Variants in TBC1D22A observed in about 807,000 individuals in gnomAD.
TBC1D22A encodes the protein TBC1 domain family member 22A, also known as putative GTPase activator.
TBC1D22A carries 38 observed loss-of-function variants against 60.2 expected under a neutral mutation model. That is an observed-to-expected ratio of 0.63 (90% CI 0.49 to 0.83). The LOEUF (loss-of-function observed/expected upper bound fraction) is 0.83. TBC1D22A is among the 40% of genes least tolerant of loss of function. The pLI is 0.00. For synonymous variants in TBC1D22A, 302 were observed against 281.7 expected, an observed-to-expected ratio of 1.07 and a Z score of -0.72; for missense variants, 628 against 701.0, an observed-to-expected ratio of 0.90 and a Z score of 1.18.
chr22:47,013,580 G>C (rs1051951054), intron 10 of TBC1D22A, among the ~76,000 whole-genome samples: 1 of 152,218 alleles, frequency 6.6e-6, no homozygotes, highest in Admixed American at 6.5e-5. Context: ...TAAGGAACCA[G>C]TGTCCCTCTT....
At chr22:46,769,553 C>T (rs2083416822) in intron 1 of TBC1D22A, among the ~76,000 whole-genome samples, 1 of 152,138 alleles carries the variant, frequency 6.6e-6, no homozygotes, top group Non-Finnish European at 1.5e-5. Flanking sequence ...CCGCTTCCGC[C>T]GAGACCTGGC....
rs781194119 is a variant in TBC1D22A, at chr22:46,895,154, A to G, written c.900+308A>G. On this transcript the variant is annotated intron_variant, in intron 7 of 12. Transcript: ENST00000337137. ...CCCCCAGTGCTGCCCAGCTACAAAC[A>G]TGGCCTTGACCTCAGGCCTGACCCA... 4.6e-5 allele frequency among the ~76,000 whole-genome samples: 7 copies of G among 152,208 alleles called. 1 individual carries two copies. The highest frequency in any genetic ancestry group is 1.9e-4 in the East Asian group (1 of 5,182).
intron 8 of TBC1D22A, among the ~76,000 whole-genome samples, chr22:46,973,793 G>C (rs2074176293): frequency 6.6e-6 from 1 of 152,140 alleles, no homozygotes. Context: ...TTCTATCTTT[G>C]ACGCACATCT....
At chr22:46,926,032 AAT>A (rs2071029358) in intron 8 of TBC1D22A, among the ~76,000 whole-genome samples, 1 of 152,234 alleles carries the variant, frequency 6.6e-6, no homozygotes, top group Non-Finnish European at 1.5e-5. Flanking sequence ...GAAAATGACA[AAT>A]ATGTAGACAT....
chr22:46,842,693 A>G (rs759638362), intron 4 of TBC1D22A, among the ~76,000 whole-genome samples: 2 of 152,280 alleles, frequency 1.3e-5, no homozygotes, highest in African/African-American at 2.4e-5. Flanking sequence ...ACTGTAGAAC[A>G]TCAGCCTTAC....
chr22:46,953,389 C>A (rs2073020957), intron 8 of TBC1D22A, among the ~76,000 whole-genome samples: 1 of 152,072 alleles, frequency 6.6e-6, no homozygotes, highest in Admixed American at 6.5e-5. Context: ...GTATTAAAAC[C>A]AAGATCTGTA....
chr22:46,944,155 C>T (rs1165189843), intron 8 of TBC1D22A, among the ~76,000 whole-genome samples: 2 of 152,186 alleles, frequency 1.3e-5, no homozygotes, highest in African/African-American at 4.8e-5. Context: ...ATCCCATCAG[C>T]AAAGGAGGAG....
chr22:47,031,284 A>G (rs1349118346), intron 10 of TBC1D22A, among the ~76,000 whole-genome samples: 1 of 152,150 alleles, frequency 6.6e-6, no homozygotes, highest in Non-Finnish European at 1.5e-5. Context: ...TTGGAGCCCG[A>G]AGGCTGGATT....
intron 10 of TBC1D22A, among the ~76,000 whole-genome samples, chr22:47,011,895 A>G (rs901253384): frequency 1.3e-5 from 2 of 151,916 alleles, no homozygotes; most frequent in Non-Finnish European, 2.9e-5. Context: ...GACAGAATAC[A>G]ATGTTACGTA....
At chr22:47,172,647 A>G (rs1188764826) in intron 12 of TBC1D22A, among the ~76,000 whole-genome samples, 1 of 152,194 alleles carries the variant, frequency 6.6e-6, no homozygotes, top group Non-Finnish European at 1.5e-5. Flanking sequence ...TGTAACTGGA[A>G]TTAATTTTTA....
At chr22:46,989,799 T>A (rs1197819352) in intron 9 of TBC1D22A, among the ~76,000 whole-genome samples, 6 of 138,310 alleles carry the variant, frequency 4.3e-5, no homozygotes, top group East Asian at 2.0e-4. Flanking sequence ...TAAATAAATA[T>A]ATATATATTA....
intron 9 of TBC1D22A, among the ~76,000 whole-genome samples, chr22:46,985,723 T>G (rs903061982): frequency 6.6e-6 from 1 of 152,224 alleles, no homozygotes; most frequent in African/African-American, 2.4e-5. Context: ...TGAACACTCA[T>G]GTCCACATCT....
chr22:46,904,108 T>A (rs1394708213), intron 7 of TBC1D22A, among the ~76,000 whole-genome samples: 7 of 60,502 alleles, frequency 1.2e-4, no homozygotes, highest in African/African-American at 4.9e-4. Context: ...TCTATCTATC[T>A]ATCTATCTAT....
At chr22:46,774,572 C>A (rs1282615675) in intron 1 of TBC1D22A, among the ~76,000 whole-genome samples, 2 of 152,190 alleles carry the variant, frequency 1.3e-5, no homozygotes, top group African/African-American at 2.4e-5. Flanking sequence ...TGATGGCAGC[C>A]CCCCGGGGCA....
At chr22:46,850,415 A>G (rs1377747173) in intron 4 of TBC1D22A, among the ~76,000 whole-genome samples, 1 of 152,232 alleles carries the variant, frequency 6.6e-6, no homozygotes, top group Non-Finnish European at 1.5e-5. Context: ...GTTTAAAACT[A>G]GATCCAAAAT....
chr22:46,874,510 C>A (rs561691214), intron 4 of TBC1D22A, among the ~76,000 whole-genome samples: 2 of 146,588 alleles, frequency 1.4e-5, no homozygotes, highest in Non-Finnish European at 3.0e-5. Flanking sequence ...ATTTCCCTAA[C>A]GATCAGTGAT....
intron 8 of TBC1D22A, among the ~76,000 whole-genome samples, chr22:46,973,791 T>C (rs1271459068): frequency 6.6e-6 from 1 of 152,246 alleles, no homozygotes; most frequent in Non-Finnish European, 1.5e-5. Flanking sequence ...TGTTCTATCT[T>C]TGACGCACAT....
At chr22:47,167,104 C>G (rs1357272873) in intron 12 of TBC1D22A, among the ~76,000 whole-genome samples, 1 of 152,220 alleles carries the variant, frequency 6.6e-6, no homozygotes, top group Non-Finnish European at 1.5e-5. Context: ...AAAAATAAAT[C>G]ATCACGTTTT....
intron 10 of TBC1D22A, among the ~76,000 whole-genome samples, chr22:47,013,985 C>T (rs1021248914): frequency 3.9e-5 from 6 of 152,190 alleles, no homozygotes; most frequent in South Asian, 4.1e-4. Flanking sequence ...CTCTGCCGAG[C>T]GGAAGCTCTG....
Sources: allele counts gnomAD v4.1 joint callset (sites outside exome capture counted in the v4.1 genomes callset), GRCh38; gene constraint gnomAD v4.1.1; transcripts MANE v1.5; gene names NCBI Gene and HGNC (gene_info 2026-07-23, HGNC 2026-07-21).